Variants in KIF3C observed in about 807,000 individuals in gnomAD.
KIF3C encodes kinesin-like protein KIF3C.
A neutral mutation model predicts 67.7 loss-of-function variants in KIF3C; 12 were observed. The ratio of observed to expected loss-of-function variants is 0.18; its 90% confidence interval spans 0.11 to 0.29. The LOEUF is 0.29. KIF3C is among the 10% of genes least tolerant of loss of function. The pLI, the probability that KIF3C is intolerant of heterozygous loss-of-function variation, is 1.00. For missense variants in KIF3C, 789 were observed against 1,059.6 expected, an observed-to-expected ratio of 0.74 and a Z score of 3.55; for synonymous variants, 393 against 426.2, an observed-to-expected ratio of 0.92 and a Z score of 0.96.
rs56124128 is a variant in KIF3C, at chr2:25,963,198, T to TATA, written c.1546-6755_1546-6754insTAT. ...TGTATATATATATATATATATATAT[T>TATA]TTTTTTTTTTTTTTTTTTTTTTTTA... On this transcript the variant is annotated intron_variant, in intron 1 of 7. Coordinates refer to ENST00000264712, the MANE Select transcript of KIF3C (RefSeq NM_002254.8). Among the ~76,000 whole-genome samples the TATA allele has an allele frequency of 7.2e-3, 191 of 26,430 alleles. 2 individuals are homozygous for TATA. Among genetic ancestry groups the TATA allele is most frequent in the Middle Eastern group, 0.024 (1 of 42 alleles). 17.3% of individuals were successfully genotyped at this position (26,430 alleles called of 152,430 possible).
chr2:25,934,188 T>C, intron 5 of KIF3C: 1 of 470,774 alleles, frequency 2.1e-6, no homozygotes, highest in Non-Finnish European at 4.4e-6. Context: ...AAACAGAAAG[T>C]AGATTGGCAG....
chr2:25,945,129 C>T (rs1663396760), intron 5 of KIF3C, among the ~76,000 whole-genome samples: 1 of 145,256 alleles, frequency 6.9e-6, no homozygotes, highest in Non-Finnish European at 1.5e-5. Flanking sequence ...AAAACTCTAT[C>T]TCAAAAAAAA....
At chr2:25,976,017 G>C (rs1172275236) in intron 1 of KIF3C, among the ~76,000 whole-genome samples, 1 of 151,980 alleles carries the variant, frequency 6.6e-6, no homozygotes, top group African/African-American at 2.4e-5. Context: ...TGGAATAAAC[G>C]AGATAATCTG....
chr2:25,955,143 C>G lies in KIF3C; in HGVS notation c.1770+398G>C, dbSNP rs1663774311. ...CATCCCTTGACATGTCCTTGAGGGC[C>G]TTACACTCCCCACCTGAGCTTCCCG... On this transcript the variant is annotated intron_variant, in intron 3 of 7. Coordinates refer to ENST00000264712, the MANE Select transcript of KIF3C (RefSeq NM_002254.8). This position sits in a 1 kb window ranked among gnomAD's most constrained non-coding sequence, Gnocchi z 5.0. Among the ~76,000 whole-genome samples, 1 of 152,156 alleles carries G rather than the reference C, an allele frequency of 6.6e-6. No individual in the cohort carries two copies. The highest frequency in any genetic ancestry group is 6.6e-5 in the Admixed American group (1 of 15,264).
intron 1 of KIF3C, among the ~76,000 whole-genome samples, chr2:25,963,196 A>ATT (rs1165957083): frequency 0.011 from 473 of 43,308 alleles, 71 homozygotes; most frequent in Non-Finnish European, 0.013. Context: ...ATATATATAT[A>ATT]TTTTTTTTTT....
At chr2:25,975,574 C>A (rs1664391916) in intron 1 of KIF3C, among the ~76,000 whole-genome samples, 1 of 152,112 alleles carries the variant, frequency 6.6e-6, no homozygotes, top group African/African-American at 2.4e-5. Context: ...GTGTCAAATC[C>A]AGCTGGGTTT....
chr2:25,944,832 T>C (rs1270766614), intron 5 of KIF3C, among the ~76,000 whole-genome samples: 1 of 152,158 alleles, frequency 6.6e-6, no homozygotes, highest in East Asian at 1.9e-4. Flanking sequence ...AAATTTTCAA[T>C]ATAAGAATTT....
chr2:25,943,537 G>T (rs1331031519), intron 5 of KIF3C, among the ~76,000 whole-genome samples: 2 of 152,120 alleles, frequency 1.3e-5, no homozygotes, highest in Admixed American at 6.6e-5. Context: ...TTAAAAACTT[G>T]TTTCATATAA....
chr2:25,950,280 T>A (rs1279932629), intron 5 of KIF3C, among the ~76,000 whole-genome samples: 1 of 146,382 alleles, frequency 6.8e-6, no homozygotes, highest in African/African-American at 2.5e-5. Flanking sequence ...CGCAATGGAG[T>A]GATCTTGGCT....
intron 1 of KIF3C, among the ~76,000 whole-genome samples, chr2:25,965,132 G>A (rs1478317709): frequency 6.6e-6 from 1 of 152,194 alleles, no homozygotes; most frequent in Non-Finnish European, 1.5e-5. Flanking sequence ...TGGTCTGAAT[G>A]TCAACTGAAT....
chr2:25,935,913 T>TA (rs942951165), intron 5 of KIF3C, among the ~76,000 whole-genome samples: 10 of 143,144 alleles, frequency 7.0e-5, no homozygotes, highest in East Asian at 2.0e-4. Context: ...CCATCTCTAC[T>TA]AAAAAAAATA....
In KIF3C at chr2:25,927,397, T is replaced by C. The variant is rs576680559; in HGVS notation, c.*1581A>G. On this transcript the variant is annotated 3_prime_UTR_variant, in exon 8 of 8. Transcript: ENST00000264712. ...TAATCTCTTGGGCTCTGATGAAAATTGTGATTTCCTGGAAGGACAGGAGCA... is the reference window on the plus strand; with the variant it reads ...TAATCTCTTGGGCTCTGATGAAAATCGTGATTTCCTGGAAGGACAGGAGCA... 8 of 152,386 alleles carry C rather than the reference T, an allele frequency of 5.2e-5. No individual in the cohort carries two copies. Among genetic ancestry groups the C allele is most frequent in the Non-Finnish European group, 1.2e-4 (8 of 68,018 alleles). The allele number at this position is 152,386 out of a possible 1,614,324, so 9.4% of individuals were successfully genotyped here. A position where few individuals can be genotyped will look rare whatever the true frequency, so the allele number is the denominator to read the frequency against.
rs1055688853 is a variant in KIF3C, at chr2:25,982,127, G to C, written c.-210C>G. 4.1e-6 allele frequency: 2 copies of C among 484,556 alleles called. No homozygotes were observed. Among genetic ancestry groups the C allele is most frequent in the Admixed American group, 3.8e-5 (1 of 26,392 alleles). The allele number at this position is 484,556 out of a possible 1,614,324, so 30.0% of individuals were successfully genotyped here. A position where few individuals can be genotyped will look rare whatever the true frequency, so the allele number is the denominator to read the frequency against. On this transcript the variant is annotated 5_prime_UTR_variant, in exon 1 of 8. Coordinates refer to ENST00000264712, the MANE Select transcript of KIF3C (RefSeq NM_002254.8). ...ACCGCTCTCCGGTCCTCTCTGCACC[G>C]GCTGGGAGGTGAATTAGGCAGAATC... is the stretch of plus-strand genomic sequence containing the variant.
chr2:25,928,878 T>G lies in KIF3C; in HGVS notation c.*100A>C. 1.4e-5 allele frequency: 13 copies of G among 937,112 alleles called. No homozygotes were observed. Among genetic ancestry groups the G allele is most frequent in the Non-Finnish European group, 2.0e-5 (12 of 602,056 alleles). 58.0% of individuals were successfully genotyped at this position (937,112 alleles called of 1,614,324 possible). A position where few individuals can be genotyped will look rare whatever the true frequency, so the allele number is the denominator to read the frequency against. On this transcript the variant is annotated 3_prime_UTR_variant, in exon 8 of 8. Coordinates refer to ENST00000264712, the MANE Select transcript of KIF3C (RefSeq NM_002254.8). ...ACCCCTGCACACACGCACACGCACA[T>G]GCACGCACACGCACACGCACCAAGC...
intron 1 of KIF3C, among the ~76,000 whole-genome samples, chr2:25,965,204 C>G (rs1226794572): frequency 6.6e-6 from 1 of 152,152 alleles, no homozygotes; most frequent in African/African-American, 2.4e-5. Flanking sequence ...CTCAGCCAAG[C>G]CTGGCTGACA....
Position 25,929,393 on chromosome 2 carries a change from G to C in KIF3C, c.2200C>G (p.Pro734Ala), listed in dbSNP as rs1210423413. The change falls in exon 7 of 8, where the codon CCT (proline) becomes GCT (alanine). Residue 734 changes from proline (P) to alanine (A), a missense_variant. By Grantham distance (27) the Pro-to-Ala change is conservative. This residue lies in a region of KIF3C where 648 missense variants were observed against 807.8 expected (regional missense o/e 0.80). Coordinates refer to ENST00000264712, the MANE Select transcript of KIF3C (RefSeq NM_002254.8). ...AGCCTCTCCATGTGTAGCGCACGAGGGTCTTGTTCTTGGTCGTGAGAGAAT... is the reference window on the plus strand; with the variant it reads ...AGCCTCTCCATGTGTAGCGCACGAGCGTCTTGTTCTTGGTCGTGAGAGAAT... ...MEFSHDQEQD[P>A]RALHMERLMR... 1 of 1,614,096 alleles carries C rather than the reference G, an allele frequency of 6.2e-7. No individual in the cohort carries two copies. The highest frequency in any genetic ancestry group is 1.7e-5 in the Admixed American group (1 of 59,992).
chr2:25,943,127 C>T (rs577040766), intron 5 of KIF3C, among the ~76,000 whole-genome samples: 30 of 152,312 alleles, frequency 2.0e-4, no homozygotes, highest in East Asian at 5.8e-4. Context: ...AATGGAACAA[C>T]GCCCTAATTA....
In KIF3C at chr2:25,957,808, C is replaced by T. The variant is rs546423806; in HGVS notation, c.1546-1364G>A. ...GCAAGTTGGGCCCGCCAGAGAGGCACGAGCTTCATTCCAGCCCCACACAGC... is the reference window on the plus strand; with the variant it reads ...GCAAGTTGGGCCCGCCAGAGAGGCATGAGCTTCATTCCAGCCCCACACAGC... On this transcript the variant is annotated intron_variant, in intron 1 of 7. Coordinates refer to ENST00000264712, the MANE Select transcript of KIF3C (RefSeq NM_002254.8). Among the ~76,000 whole-genome samples, 12 of 152,330 alleles carry T rather than the reference C, an allele frequency of 7.9e-5. No homozygotes were observed. The South Asian group carries it at 2.1e-3, about 26-fold the overall frequency.
chr2:25,982,199 G>A lies in KIF3C; in HGVS notation c.-282C>T, dbSNP rs1313606748. The A allele has an allele frequency of 2.3e-6, 1 of 439,852 alleles. No individual in the cohort carries two copies. Among genetic ancestry groups the A allele is most frequent in the East Asian group, 3.4e-5 (1 of 29,584 alleles). 27.2% of individuals were successfully genotyped at this position (439,852 alleles called of 1,614,324 possible). On this transcript the variant is annotated 5_prime_UTR_variant, in exon 1 of 8. Coordinates refer to ENST00000264712, the MANE Select transcript of KIF3C (RefSeq NM_002254.8). The stretch of plus-strand genomic sequence containing the variant: ...CGCCTGCCGAGCAGCCGTGCCCGGA[G>A]CCCGCCCCATGCAGGAGCAGAGGGA...
Sources: gnomAD v4.1 joint callset for allele counts (sites outside exome capture counted in the v4.1 genomes callset) on GRCh38, gnomAD v4.1.1 for gene constraint, gnomAD v4.1.1 regional missense constraint, Gnocchi (gnomAD v3.1) non-coding constraint, MANE v1.5 for transcripts, NCBI Gene and HGNC (gene_info 2026-07-23, HGNC 2026-07-21) for gene names.